The following PSMD1 variants were observed in gnomAD, a reference collection of about 807,000 sequenced individuals.
PSMD1 encodes the protein proteasome 26S subunit, non-ATPase 1.
PSMD1 carries 18 observed loss-of-function variants against 119.0 expected under a neutral mutation model. That is an observed-to-expected ratio of 0.15 (90% CI 0.10 to 0.22). The LOEUF (loss-of-function observed/expected upper bound fraction) is 0.22, where lower values mean the gene tolerates loss of function less well. Ranked by LOEUF, PSMD1 falls within the 10% of genes least tolerant of loss-of-function variation. The probability of loss-of-function intolerance (pLI) is 1.00; values close to 1 mark genes in which losing one functional copy is unlikely to be tolerated. For synonymous variants in PSMD1, 374 were observed against 396.6 expected, an observed-to-expected ratio of 0.94 and a Z score of 0.68; for missense variants, 702 against 1,158.5, an observed-to-expected ratio of 0.61 and a Z score of 5.72.
chr2:231,130,249 A>G (rs1338547098), intron 16 of PSMD1, among the ~76,000 whole-genome samples: 3 of 152,238 alleles, frequency 2.0e-5, no homozygotes, highest in Admixed American at 2.0e-4. Flanking sequence ...TGGCAAATTT[A>G]TAATTGTCTA....
chr2:231,170,204 G>T lies in PSMD1; in HGVS notation c.2716-362G>T, dbSNP rs1178937121. Among the ~76,000 whole-genome samples, 1 of 152,152 alleles carries T rather than the reference G, an allele frequency of 6.6e-6. No individual in the cohort carries two copies. The highest frequency in any genetic ancestry group is 1.5e-5 in the Non-Finnish European group (1 of 68,032). ...GCTCCAGATGATAATGATGCTTCTG[G>T]CCCAGGACCATATCTTGAGTAGGAA... On this transcript the variant is annotated intron_variant, in intron 23 of 24. Transcript: ENST00000308696. The surrounding 1 kb of genome is among the most constrained non-coding windows in gnomAD (Gnocchi z 4.1).
chr2:231,057,996 A>G (rs1231960012), intron 1 of PSMD1, among the ~76,000 whole-genome samples: 1 of 152,242 alleles, frequency 6.6e-6, no homozygotes, highest in Non-Finnish European at 1.5e-5. Flanking sequence ...TGGTAAGGCG[A>G]TCAAAACTTT....
chr2:231,134,724 A>G (rs1420741550), intron 16 of PSMD1, among the ~76,000 whole-genome samples: 2 of 152,184 alleles, frequency 1.3e-5, no homozygotes, highest in African/African-American at 4.8e-5. Flanking sequence ...TCCCTCTGCT[A>G]TCAGAATTGT....
intron 18 of PSMD1, among the ~76,000 whole-genome samples, chr2:231,148,313 A>G (rs1463224356): frequency 6.6e-6 from 1 of 152,144 alleles, no homozygotes; most frequent in Admixed American, 6.5e-5. Flanking sequence ...ATTCACTTTG[A>G]CCCCACATGT....
chr2:231,156,065 C>T (rs1231167403), intron 19 of PSMD1, among the ~76,000 whole-genome samples: 1 of 152,040 alleles, frequency 6.6e-6, no homozygotes, highest in Admixed American at 6.6e-5. Context: ...ATTGTACGGT[C>T]TTAGTTTCAT....
chr2:231,108,870 A>AT (rs764470232), intron 16 of PSMD1: 27 of 1,614,154 alleles, frequency 1.7e-5, no homozygotes, highest in Non-Finnish European at 2.1e-5. Flanking sequence ...ATCCACACAA[A>AT]TATCTCCAGG....
chr2:231,080,395 G>A lies in PSMD1; in HGVS notation c.1413+81G>A, dbSNP rs1694281063. 5 of 1,222,010 alleles carry A rather than the reference G, an allele frequency of 4.1e-6. No homozygotes were observed. In the East Asian group the frequency reaches 1.1e-4, roughly 27 times the overall value. 75.7% of individuals were successfully genotyped at this position (1,222,010 alleles called of 1,614,324 possible). On this transcript the variant is annotated intron_variant, in intron 12 of 24. Coordinates refer to ENST00000308696, the MANE Select transcript of PSMD1 (RefSeq NM_002807.4). ...ATTTGCCACATTATTTTAGTGACTG[G>A]AGATTTTGTAGAATTTGCGAATACC...
At chr2:231,122,696 A>G (rs1164644659) in intron 16 of PSMD1, among the ~76,000 whole-genome samples, 2 of 152,148 alleles carry the variant, frequency 1.3e-5, no homozygotes, top group Non-Finnish European at 2.9e-5. Context: ...CTAAGATTTC[A>G]GTGTCAAACT....
chr2:231,106,253 T>C (rs1030263358), intron 16 of PSMD1, among the ~76,000 whole-genome samples: 1 of 152,226 alleles, frequency 6.6e-6, no homozygotes, highest in Non-Finnish European at 1.5e-5. Context: ...AGTGGAGTTA[T>C]GTTTCACTTT....
chr2:231,110,071 C>T (rs1695102251), intron 16 of PSMD1, among the ~76,000 whole-genome samples: 1 of 152,188 alleles, frequency 6.6e-6, no homozygotes, highest in Non-Finnish European at 1.5e-5. Context: ...GTAATTCCAG[C>T]ACTTTGGGAG....
At chr2:231,104,109 T>G (rs906362349) in intron 16 of PSMD1, among the ~76,000 whole-genome samples, 6 of 149,700 alleles carry the variant, frequency 4.0e-5, no homozygotes, top group African/African-American at 1.5e-4. Flanking sequence ...TCAGTTAATG[T>G]TTTGTATTGT....
At chr2:231,077,986 G>C (rs1433762812) in intron 9 of PSMD1, among the ~76,000 whole-genome samples, 1 of 152,168 alleles carries the variant, frequency 6.6e-6, no homozygotes, top group Non-Finnish European at 1.5e-5. Context: ...AACAAAATTT[G>C]ACCAGGCACG....
At chr2:231,093,934 C>T (rs948839866) in intron 16 of PSMD1, among the ~76,000 whole-genome samples, 2 of 151,800 alleles carry the variant, frequency 1.3e-5, no homozygotes, top group Non-Finnish European at 2.9e-5. Flanking sequence ...TTTTGTGGGC[C>T]GCCCTATAAA....
In PSMD1 at chr2:231,085,656, ACCC is replaced by A. The variant is rs1694414543; in HGVS notation, c.1818+544_1818+546del. On this transcript the variant is annotated intron_variant, in intron 15 of 24. Transcript: ENST00000308696. ...CAAGCAAACAATCCCCCACCCCCACACCCCGGGACCCCTAAGGAACATGATCTA... is the reference window on the plus strand; with the variant it reads ...CAAGCAAACAATCCCCCACCCCCACACGGGACCCCTAAGGAACATGATCTA... Among the ~76,000 whole-genome samples, 4 of 96,168 alleles carry A rather than the reference ACCC, an allele frequency of 4.2e-5. No individual in the cohort carries two copies. In the South Asian group the frequency reaches 1.4e-3, roughly 34 times the overall value. The allele number at this position is 96,168 out of a possible 152,430, so 63.1% of individuals were successfully genotyped here. A position where few individuals can be genotyped will look rare whatever the true frequency, so the allele number is the denominator to read the frequency against.
At chr2:231,163,605 G>A (rs375680674) in intron 20 of PSMD1, 30 bp from the exon 21 acceptor site, 99 of 1,548,510 alleles carry the variant, frequency 6.4e-5, no homozygotes, top group Non-Finnish European at 8.7e-5. Context: ...AGTACTTAAA[G>A]CCAATGTTAT....
rs555807435 is a variant in PSMD1, at chr2:231,085,806, G to A, written c.1818+692G>A. ...AAGTAATATTGCCTGGTCACACAGT[G>A]GACATTCCACGTGTCTTAATAGGTT... is the stretch of plus-strand genomic sequence containing the variant. On this transcript the variant is annotated intron_variant, in intron 15 of 24. Transcript: ENST00000308696. Among the ~76,000 whole-genome samples the A allele has an allele frequency of 7.2e-5, 11 of 152,240 alleles. 1 individual carries two copies. The South Asian group carries it at 2.3e-3, about 32-fold the overall frequency.
chr2:231,141,911 C>T (rs1203221853), intron 17 of PSMD1, among the ~76,000 whole-genome samples: 1 of 151,668 alleles, frequency 6.6e-6, no homozygotes, highest in African/African-American at 2.4e-5. Context: ...GAGATGGAGT[C>T]TCACTCTGTC....
At chr2:231,098,647 C>T (rs1055170702) in intron 16 of PSMD1, among the ~76,000 whole-genome samples, 20 of 152,024 alleles carry the variant, frequency 1.3e-4, no homozygotes, top group Non-Finnish European at 2.4e-4. Context: ...CCTTCCACTT[C>T]CTCTAGGGGA....
At position 231,076,377 on chromosome 2, in the gene PSMD1, A is replaced by C. The variant is rs545034184; in HGVS notation, c.943-657A>C. On this transcript the variant is annotated intron_variant, in intron 8 of 24. Coordinates refer to ENST00000308696, the MANE Select transcript of PSMD1 (RefSeq NM_002807.4). ...TTGTGTTGGTGGCATGGTAGTTTAT[A>C]AGATCAAGGCTGGGCACTGTGGTTC... Among the ~76,000 whole-genome samples the C allele has an allele frequency of 9.8e-5, 15 of 152,286 alleles. 1 individual carries two copies. Among genetic ancestry groups the C allele is most frequent in the African/African-American group, 3.6e-4 (15 of 41,552 alleles).
Sources: allele counts gnomAD v4.1 joint callset (sites outside exome capture counted in the v4.1 genomes callset), GRCh38; gene constraint gnomAD v4.1.1; non-coding constraint Gnocchi (gnomAD v3.1); transcripts MANE v1.5; gene names NCBI Gene and HGNC (gene_info 2026-07-23, HGNC 2026-07-21).